NEDD1: variants seen among roughly 807,000 people sequenced by gnomAD.
The protein encoded by NEDD1 is NEDD1 gamma-tubulin ring complex targeting factor.
NEDD1 carries 33 observed loss-of-function variants against 74.0 expected under a neutral mutation model. The observed-to-expected ratio is 0.45, with a 90% CI of 0.34 to 0.60. NEDD1 has a LOEUF of 0.60. Ranked by LOEUF, NEDD1 falls within the 20% of genes least tolerant of loss-of-function variation. The pLI, the probability that NEDD1 is intolerant of heterozygous loss-of-function variation, is 0.01. For synonymous variants in NEDD1, 250 were observed against 264.4 expected (o/e 0.95, Z 0.53); for missense variants, 746 against 776.5 (o/e 0.96, Z 0.47).
intron 2 of NEDD1, among the ~76,000 whole-genome samples, chr12:96,908,840 A>AT (rs1873596041): frequency 6.6e-6 from 1 of 152,194 alleles, no homozygotes. Context: ...GAATGTTTCA[A>AT]GACTCTGGTG....
rs140240362 is a variant in NEDD1, at chr12:96,951,975, A to T, written c.1905A>T (p.Arg635Ser). ...QLNEMHSLLE[R>S]YSVNEGLVAE... ...ATGAAATGCATTCTTTGCTGGAAAG[A>T]TACTCAGTGAATGAAGGTTTAGTGG... is the stretch of plus-strand genomic sequence containing the variant. The change falls in exon 16 of 16, where the codon AGA becomes AGT. Residue 635 changes from arginine to serine, a missense_variant. This residue lies in a region of NEDD1 where 29 missense variants were observed against 50.8 expected (regional missense o/e 0.57). Coordinates refer to ENST00000266742, the MANE Select transcript of NEDD1 (RefSeq NM_152905.4). The T allele has an allele frequency of 1.4e-4, 227 of 1,591,848 alleles. No homozygotes were observed. In the African/African-American group the frequency reaches 2.6e-3, roughly 18 times the overall value.
In NEDD1 at chr12:96,936,806, T is replaced by A. The variant is rs373814176; in HGVS notation, c.915T>A (p.Leu305=). The part of the protein sequence containing the change: ...QCIAFQYSTV[L]TKSSLNKGCS... ...TAGCATTTCAGTACTCCACTGTTCT[T>A]ACTAAGGTGAGACATTTTCTTTTCA... Residue 305 remains leucine, a synonymous_variant, in exon 8 of 16, where the codon CTT becomes CTA. Transcript: ENST00000266742. 3.4e-5 allele frequency: 54 copies of A among 1,590,790 alleles called. No individual in the cohort carries two copies. In the East Asian group the frequency reaches 9.4e-4, roughly 28 times the overall value.
intron 12 of NEDD1, 47 bp downstream of exon 12, chr12:96,943,809 TA>T: frequency 7.7e-7 from 1 of 1,300,480 alleles, no homozygotes; most frequent in Non-Finnish European, 1.1e-6. Context: ...TGTTTATCAG[TA>T]GAAAGTGGGT....
intron 6 of NEDD1, among the ~76,000 whole-genome samples, chr12:96,928,141 A>G (rs7350552): frequency 0.052 from 7,936 of 152,212 alleles, 270 homozygotes; most frequent in South Asian, 0.093. Context: ...GTTTTCTAAC[A>G]GTGTTTCTAT....
intron 14 of NEDD1, among the ~76,000 whole-genome samples, chr12:96,950,879 T>C (rs539883724): frequency 1.4e-4 from 21 of 152,034 alleles, no homozygotes; most frequent in African/African-American, 4.8e-4. Context: ...ACATATTCTT[T>C]TGTAGGCATG....
At chr12:96,910,007 G>A (rs532376647) in intron 3 of NEDD1, 112 bp downstream of exon 3, 26 of 1,112,784 alleles carry the variant, frequency 2.3e-5, no homozygotes, top group Middle Eastern at 2.3e-4. Flanking sequence ...AATGTGTTTT[G>A]CATTGCTACC....
Position 96,946,163 on chromosome 12 carries a change from C to G in NEDD1, c.1811+314C>G, listed in dbSNP as rs191048557. Among the ~76,000 whole-genome samples, 5 of 152,068 alleles carry G rather than the reference C, an allele frequency of 3.3e-5. 1 individual carries two copies. Among genetic ancestry groups the G allele is most frequent in the Admixed American group, 3.3e-4 (5 of 15,262 alleles). ...GGTAAGCTTAAATTGGGTTCTTAACCTGCAGTATGTTCATAGATCTATTAG... is the reference window on the plus strand; with the variant it reads ...GGTAAGCTTAAATTGGGTTCTTAACGTGCAGTATGTTCATAGATCTATTAG... On this transcript the variant is annotated intron_variant, in intron 14 of 15. Transcript: ENST00000266742.
intron 6 of NEDD1, among the ~76,000 whole-genome samples, chr12:96,923,072 G>A (rs1875280655): frequency 6.6e-6 from 1 of 152,076 alleles, no homozygotes; most frequent in East Asian, 1.9e-4. Context: ...AGTTCTGATT[G>A]TGCCACTGCA....
rs1200791684 is a variant in NEDD1 at position 96,924,022 on chromosome 12, T to C, written c.489+3897T>C. Among the ~76,000 whole-genome samples the C allele has an allele frequency of 2.0e-5, 3 of 152,208 alleles. No homozygotes were observed. The East Asian group carries it at 5.8e-4, about 29-fold the overall frequency. On this transcript the variant is annotated intron_variant, in intron 6 of 15. Coordinates refer to ENST00000266742, the MANE Select transcript of NEDD1 (RefSeq NM_152905.4). ...TTTAGAAGCTTTGTTGTTTTATCTT[T>C]CTTATTTATGTTTGTTATGATCCAT... is the stretch of plus-strand genomic sequence containing the variant.
At chr12:96,920,999 T>C (rs1200295723) in intron 6 of NEDD1, among the ~76,000 whole-genome samples, 1 of 152,074 alleles carries the variant, frequency 6.6e-6, no homozygotes, top group Non-Finnish European at 1.5e-5. Context: ...TATAAAACAG[T>C]CTTATGGTGA....
rs1486083524 is a variant in NEDD1 at position 96,940,395 on chromosome 12, C to T, written c.1118-14C>T. 1.3e-6 allele frequency: 2 copies of T among 1,521,002 alleles called. No homozygotes were observed. The highest frequency in any genetic ancestry group is 1.8e-6 in the Non-Finnish European group (2 of 1,112,482). The allele number at this position is 1,521,002 out of a possible 1,614,324, so 94.2% of individuals were successfully genotyped here. ...GATGTAATAACATTGATTTTTATATCTAATTCCTATAAGGTTTGCCTCGAA... is the reference window on the plus strand; with the variant it reads ...GATGTAATAACATTGATTTTTATATTTAATTCCTATAAGGTTTGCCTCGAA... On this transcript the variant is annotated splice_polypyrimidine_tract_variant and intron_variant, in intron 9 of 15. Coordinates refer to ENST00000266742, the MANE Select transcript of NEDD1 (RefSeq NM_152905.4).
chr12:96,931,615 G>C (rs1876475684), intron 6 of NEDD1, among the ~76,000 whole-genome samples: 1 of 152,124 alleles, frequency 6.6e-6, no homozygotes, highest in Admixed American at 6.5e-5. Flanking sequence ...AAAAAGGATA[G>C]TAATCAGAGT....
At chr12:96,917,495 T>G in intron 4 of NEDD1, 126 bp from the exon 5 acceptor site, 6 of 1,105,636 alleles carry the variant, frequency 5.4e-6, no homozygotes, top group Non-Finnish European at 7.1e-6. Context: ...TAGTACAAGA[T>G]TAGCATGTTT....
At chr12:96,929,257 T>TC (rs898849874) in intron 6 of NEDD1, among the ~76,000 whole-genome samples, 1 of 151,836 alleles carries the variant, frequency 6.6e-6, no homozygotes, top group Non-Finnish European at 1.5e-5. Flanking sequence ...AAATTAGCCT[T>TC]CATTTTTGAA....
At position 96,952,898 on chromosome 12, in the gene NEDD1, A is replaced by C. The variant is rs2136638850; in HGVS notation, c.*845A>C. 6.6e-6 allele frequency: 1 copy of C among 151,802 alleles called. No homozygotes were observed. Among genetic ancestry groups the C allele is most frequent in the Middle Eastern group, 3.4e-3 (1 of 294 alleles). 9.4% of individuals were successfully genotyped at this position (151,802 alleles called of 1,614,324 possible). On this transcript the variant is annotated 3_prime_UTR_variant, in exon 16 of 16. Transcript: ENST00000266742. ...TTCTATTTTCTTTTTCCAAATAAGAAGCTTGGATTATTTTATTTTGTGGTC... is the reference window on the plus strand; with the variant it reads ...TTCTATTTTCTTTTTCCAAATAAGACGCTTGGATTATTTTATTTTGTGGTC...
chr12:96,929,201 CTT>C (rs372215467), intron 6 of NEDD1, among the ~76,000 whole-genome samples: 1 of 151,544 alleles, frequency 6.6e-6, no homozygotes, highest in African/African-American at 2.4e-5. Context: ...TTTAACCTGT[CTT>C]TAAGGTATTG....
At chr12:96,949,284 C>T (rs1479924745) in intron 14 of NEDD1, among the ~76,000 whole-genome samples, 1 of 152,124 alleles carries the variant, frequency 6.6e-6, no homozygotes, top group East Asian at 1.9e-4. Flanking sequence ...GTTTTCAATA[C>T]AGTTTTTACT....
At chr12:96,922,533 TA>T (rs1170642595) in intron 6 of NEDD1, among the ~76,000 whole-genome samples, 2 of 152,212 alleles carry the variant, frequency 1.3e-5, no homozygotes, top group East Asian at 3.8e-4. Flanking sequence ...TGTATCTTGC[TA>T]GAGAGTTTTC....
intron 4 of NEDD1, 52 bp downstream of exon 4, chr12:96,912,869 C>A: frequency 1.2e-6 from 1 of 857,978 alleles, no homozygotes; most frequent in Non-Finnish European, 1.9e-6. Context: ...TTTTGCTTGA[C>A]TGGCAATTGC....
Sources: gnomAD v4.1 joint callset for allele counts (sites outside exome capture counted in the v4.1 genomes callset) on GRCh38, gnomAD v4.1.1 for gene constraint, gnomAD v4.1.1 regional missense constraint, MANE v1.5 for transcripts, NCBI Gene and HGNC (gene_info 2026-07-23, HGNC 2026-07-21) for gene names.